ARHGEF39: variants seen among roughly 807,000 people sequenced by gnomAD.
The protein encoded by ARHGEF39 is Rho guanine nucleotide exchange factor 39.
A neutral mutation model predicts 47.5 loss-of-function variants in ARHGEF39; 45 were observed. That is an observed-to-expected ratio of 0.95 (90% CI 0.75 to 1.22). The LOEUF is 1.22. Among genes scored for constraint, ARHGEF39 ranks in the 50% most tolerant of loss-of-function variants. The probability of loss-of-function intolerance (pLI) is 0.00; values close to 1 mark genes in which losing one functional copy is unlikely to be tolerated. For missense variants in ARHGEF39, 411 were observed against 425.3 expected (o/e 0.97, Z 0.30); for synonymous variants, 164 against 167.8 (o/e 0.98, Z 0.17).
intron 3 of ARHGEF39, 58 bp downstream of exon 3, chr9:35,664,314 G>T: frequency 1.3e-6 from 2 of 1,556,770 alleles, no homozygotes; most frequent in Non-Finnish European, 1.7e-6. Context: ...TATGAAGTTT[G>T]GGTCTCCAGA....
chr9:35,659,452 A>T lies in ARHGEF39; in HGVS notation c.*2535T>A, dbSNP rs1017442605. 3 of 152,226 alleles carry T rather than the reference A, an allele frequency of 2.0e-5. No homozygotes were observed. Among genetic ancestry groups the T allele is most frequent in the Admixed American group, 6.5e-5 (1 of 15,280 alleles). The allele number at this position is 152,226 out of a possible 1,614,324, so 9.4% of individuals were successfully genotyped here. Reference sequence around the variant, plus strand: ...GAAACATAATGTAGCAGGAGGTCTTATGAAAGAGAGTTAGGCATTCCAGTT... The same window carrying T: ...GAAACATAATGTAGCAGGAGGTCTTTTGAAAGAGAGTTAGGCATTCCAGTT... On this transcript the variant is annotated 3_prime_UTR_variant, in exon 9 of 9. Transcript: ENST00000378387.
At chr9:35,662,878 G>A (rs889667317) in intron 6 of ARHGEF39, 68 bp downstream of exon 6, 12 of 1,588,264 alleles carry the variant, frequency 7.6e-6, no homozygotes, top group Admixed American at 6.9e-5. Context: ...GCAGCTGGTC[G>A]GCATTTGGAG....
At chr9:35,662,299 C>T in intron 7 of ARHGEF39, 32 bp from the exon 8 acceptor site, 1 of 1,590,258 alleles carries the variant, frequency 6.3e-7, no homozygotes, top group Middle Eastern at 1.7e-4. Context: ...GCGCATGGCT[C>T]AGAAAGGTCC....
chr9:35,661,076 G>A lies in ARHGEF39; in HGVS notation c.*911C>T. 1 of 1,614,182 alleles carries A rather than the reference G, an allele frequency of 6.2e-7. No individual in the cohort carries two copies. The highest frequency in any genetic ancestry group is 1.3e-5 in the African/African-American group (1 of 75,052). On this transcript the variant is annotated 3_prime_UTR_variant, in exon 9 of 9. Coordinates refer to ENST00000378387, the MANE Select transcript of ARHGEF39 (RefSeq NM_032818.3). ...TAGCTACTTCCTGGGAGGTGGGGCG[G>A]GGACTACGGAGAAGGTGCAGCCAGG...
rs774688219 is a variant in ARHGEF39, at chr9:35,661,143, G to C, written c.*844C>G. 139 of 1,611,338 alleles carry C rather than the reference G, an allele frequency of 8.6e-5. No individual in the cohort carries two copies. Among genetic ancestry groups the C allele is most frequent in the Non-Finnish European group, 1.1e-4 (134 of 1,178,152 alleles). ...CAGTCACAGCCTTGGCTGGGAAGGA[G>C]GGACGACAGCTGAAGGTCGACTAAA... is the stretch of plus-strand genomic sequence containing the variant. On this transcript the variant is annotated 3_prime_UTR_variant, in exon 9 of 9. Transcript: ENST00000378387.
chr9:35,662,305 G>A (rs918137615), intron 7 of ARHGEF39, 38 bp from the exon 8 acceptor site: 2 of 1,586,432 alleles, frequency 1.3e-6, no homozygotes, highest in African/African-American at 1.3e-5. Flanking sequence ...GGCTCAGAAA[G>A]GTCCAGGCTA....
At chr9:35,663,966 A>C (rs1824105121) in intron 4 of ARHGEF39, 42 bp downstream of exon 4, 1 of 1,586,916 alleles carries the variant, frequency 6.3e-7, no homozygotes, top group Non-Finnish European at 8.7e-7. Flanking sequence ...GCAGTCATAC[A>C]AACTAAAAGA....
chr9:35,664,579 A>T, intron 2 of ARHGEF39, 87 bp from the exon 3 acceptor site: 2 of 1,516,032 alleles, frequency 1.3e-6, no homozygotes, highest in South Asian at 1.3e-5. Flanking sequence ...CACTAATAGT[A>T]GTGCTATTAC....
Position 35,660,849 on chromosome 9 carries a change from T to C in ARHGEF39, c.*1138A>G. 6.2e-7 allele frequency: 1 copy of C among 1,614,082 alleles called. No homozygotes were observed. The highest frequency in any genetic ancestry group is 8.5e-7 in the Non-Finnish European group (1 of 1,180,024). On this transcript the variant is annotated 3_prime_UTR_variant, in exon 9 of 9. Transcript: ENST00000378387. ...CAAGCCGGACAAGGATATGGAGGCT[T>C]CAGAACCAGGTGAAGGCTCGGGAGG...
At position 35,661,642 on chromosome 9, in the gene ARHGEF39, T is replaced by C. The variant is rs144878718; in HGVS notation, c.*345A>G. The C allele has an allele frequency of 2.3e-4, 96 of 424,440 alleles. 1 individual carries two copies. Among genetic ancestry groups the C allele is most frequent in the South Asian group, 7.8e-4 (9 of 11,502 alleles). 26.3% of individuals were successfully genotyped at this position (424,440 alleles called of 1,614,324 possible). ...TGAGGTTTAGTTGGGTTGGACTTGG[T>C]TTCCTGATTCTTCTTTTTTAATAAA... On this transcript the variant is annotated 3_prime_UTR_variant, in exon 9 of 9. Transcript: ENST00000378387.
At chr9:35,663,741 G>C (rs1824094736) in intron 4 of ARHGEF39, among the ~76,000 whole-genome samples, 1 of 152,170 alleles carries the variant, frequency 6.6e-6, no homozygotes. Flanking sequence ...CCCCGCATCT[G>C]AAACTTTTCC....
At position 35,660,494 on chromosome 9, in the gene ARHGEF39, G is replaced by T; in HGVS notation, c.*1493C>A. 6.2e-7 allele frequency: 1 copy of T among 1,613,110 alleles called. No individual in the cohort carries two copies. Among genetic ancestry groups the T allele is most frequent in the South Asian group, 1.1e-5 (1 of 90,986 alleles). ...TAGCAGAAGTCTGTGCTGGGTCGGG[G>T]GAGTTTAGGGGACAGCAGAAGATAC... On this transcript the variant is annotated 3_prime_UTR_variant, in exon 9 of 9. Transcript: ENST00000378387.
In ARHGEF39 at chr9:35,663,359, G is replaced by C; in HGVS notation, c.507C>G (p.Asn169Lys). The C allele has an allele frequency of 6.2e-7, 1 of 1,613,986 alleles. No individual in the cohort carries two copies. Among genetic ancestry groups the C allele is most frequent in the Non-Finnish European group, 8.5e-7 (1 of 1,179,920 alleles). Residue 169 changes from asparagine (N) to lysine (K), a missense_variant, in exon 5 of 9, where the codon AAC (asparagine) becomes AAG (lysine). Transcript: ENST00000378387. ...YENLVVALAE[N>K]TGPNSPDHQQ... ...GATGGTCAGGGCTGTTGGGACCTGT[G>C]TTTTCAGCCAAAGCTACGACGAGAT...
rs1017827693 is a variant in ARHGEF39 at position 35,659,680 on chromosome 9, C to T, written c.*2307G>A. ...GACTGTAAAGACTGACGTTAATAAACCAGAAAAAACTCAGGAAAGTGGGTG... is the reference window on the plus strand; with the variant it reads ...GACTGTAAAGACTGACGTTAATAAATCAGAAAAAACTCAGGAAAGTGGGTG... On this transcript the variant is annotated 3_prime_UTR_variant, in exon 9 of 9. Coordinates refer to ENST00000378387, the MANE Select transcript of ARHGEF39 (RefSeq NM_032818.3). 2.0e-5 allele frequency: 3 copies of T among 152,176 alleles called. No individual in the cohort carries two copies. Among genetic ancestry groups the T allele is most frequent in the Non-Finnish European group, 4.4e-5 (3 of 68,040 alleles). The allele number at this position is 152,176 out of a possible 1,614,324, so 9.4% of individuals were successfully genotyped here.
chr9:35,660,082 T>G lies in ARHGEF39; in HGVS notation c.*1905A>C. 1 of 210,532 alleles carries G rather than the reference T, an allele frequency of 4.7e-6. No homozygotes were observed. The highest frequency in any genetic ancestry group is 9.6e-6 in the Non-Finnish European group (1 of 104,226). The allele number at this position is 210,532 out of a possible 1,614,324, so 13.0% of individuals were successfully genotyped here. ...CTGGTCTCAAACTCCTGACCTCAGGTGATCCACCCACCTTGGCTTCCCGAA... is the reference window on the plus strand; with the variant it reads ...CTGGTCTCAAACTCCTGACCTCAGGGGATCCACCCACCTTGGCTTCCCGAA... On this transcript the variant is annotated 3_prime_UTR_variant, in exon 9 of 9. Transcript: ENST00000378387.
In ARHGEF39 at chr9:35,663,355, C is replaced by A. The variant is rs1824075079; in HGVS notation, c.511G>T (p.Gly171Cys). The change falls in exon 5 of 9, where the codon GGT (glycine) becomes TGT (cysteine). Residue 171 changes from glycine (G) to cysteine (C), a missense_variant. Transcript: ENST00000378387. ...NLVVALAENT[G>C]PNSPDHQQLT... ...TGTTGATGGTCAGGGCTGTTGGGAC[C>A]TGTGTTTTCAGCCAAAGCTACGACG... 6.2e-7 allele frequency: 1 copy of A among 1,613,988 alleles called. No homozygotes were observed. The highest frequency in any genetic ancestry group is 8.5e-7 in the Non-Finnish European group (1 of 1,179,920).
rs756924613 is a variant in ARHGEF39, at chr9:35,660,998, T to A, written c.*989A>T. On this transcript the variant is annotated 3_prime_UTR_variant, in exon 9 of 9. Transcript: ENST00000378387. ...TAAAGGAGGACGAGGAGGAGATTGG[T>A]GACAGTCAGGCCTGGGAGGAGCCCA... The A allele has an allele frequency of 3.7e-6, 6 of 1,613,916 alleles. No individual in the cohort carries two copies. Among genetic ancestry groups the A allele is most frequent in the Non-Finnish European group, 5.1e-6 (6 of 1,180,022 alleles).
Position 35,665,067 on chromosome 9 carries a change from G to C in ARHGEF39, c.103C>G (p.Arg35Gly), listed in dbSNP as rs1824164135. Residue 35 changes from arginine to glycine, a missense_variant, in exon 1 of 9, where the codon CGG (arginine) becomes GGG (glycine). By Grantham distance (125) the Arg-to-Gly change is moderately radical. Transcript: ENST00000378387. ...AGCCCCAGCTGTTCTTGGTAGCGCC[G>C]CTCGGTCTCTAGCAGCTCCCGGGCG... ...CTARELLETE[R>G]RYQEQLGLVA... 1 of 1,563,000 alleles carries C rather than the reference G, an allele frequency of 6.4e-7. No homozygotes were observed. Among genetic ancestry groups the C allele is most frequent in the Non-Finnish European group, 8.7e-7 (1 of 1,155,628 alleles).
Position 35,664,434 on chromosome 9 carries a change from G to C in ARHGEF39, c.292C>G (p.Arg98Gly), listed in dbSNP as rs2082751065. Residue 98 changes from arginine (R) to glycine (G), a missense_variant, in exon 3 of 9, where the codon CGC (arginine) becomes GGC (glycine). Transcript: ENST00000378387. ...AATTGGTTATAGAGCTCCAAGTGGC[G>C]GCAGAAGCCCTCCAGCCCTTGGCCC... is the stretch of plus-strand genomic sequence containing the variant. The part of the protein sequence containing the change: ...CWGQGLEGFC[R>G]HLELYNQFAA... 6.2e-7 allele frequency: 1 copy of C among 1,610,662 alleles called. No individual in the cohort carries two copies. Among genetic ancestry groups the C allele is most frequent in the South Asian group, 1.1e-5 (1 of 90,752 alleles).
Sources: allele counts gnomAD v4.1 joint callset (sites outside exome capture counted in the v4.1 genomes callset), GRCh38; gene constraint gnomAD v4.1.1; transcripts MANE v1.5; gene names NCBI Gene and HGNC (gene_info 2026-07-23, HGNC 2026-07-21).